KCNAB1: variants seen among roughly 807,000 people sequenced by gnomAD.
The protein encoded by KCNAB1 is potassium voltage-gated channel subfamily A regulatory beta subunit 1.
In KCNAB1, 35 loss-of-function variants were observed where a neutral mutation model predicts 64.6. That is an observed-to-expected ratio of 0.54 (90% CI 0.41 to 0.72). The LOEUF (loss-of-function observed/expected upper bound fraction) is 0.72. KCNAB1 is among the 30% of genes least tolerant of loss of function. The pLI is 0.00. For synonymous variants in KCNAB1, 177 were observed against 183.8 expected, an observed-to-expected ratio of 0.96 and a Z score of 0.30; for missense variants, 401 against 512.9, an observed-to-expected ratio of 0.78 and a Z score of 2.11.
intron 1 of KCNAB1, among the ~76,000 whole-genome samples, chr3:156,388,995 G>GT (rs1712822476): frequency 6.6e-6 from 1 of 152,206 alleles, no homozygotes; most frequent in Admixed American, 6.5e-5. Context: ...AGGTGTTTTG[G>GT]TAAGTTCCCT....
At chr3:156,476,626 C>A (rs1196063385) in intron 8 of KCNAB1, among the ~76,000 whole-genome samples, 1 of 151,908 alleles carries the variant, frequency 6.6e-6, no homozygotes, top group Admixed American at 6.6e-5. Flanking sequence ...TCTTTATCCA[C>A]TCGTTGATTG....
intron 1 of KCNAB1, among the ~76,000 whole-genome samples, chr3:156,239,585 G>A (rs770138810): frequency 1.3e-5 from 2 of 152,142 alleles, no homozygotes; most frequent in Non-Finnish European, 2.9e-5. Flanking sequence ...GGCTTTCAGC[G>A]CTGGGGCCTC....
intron 2 of KCNAB1, among the ~76,000 whole-genome samples, chr3:156,449,120 A>G (rs1293559939): frequency 2.6e-5 from 4 of 152,224 alleles, no homozygotes; most frequent in African/African-American, 9.6e-5. Context: ...TATTCTTATT[A>G]AATTATGGAA....
chr3:156,124,463 C>T (rs148895184), intron 1 of KCNAB1, among the ~76,000 whole-genome samples: 3,486 of 152,064 alleles, frequency 0.023, 102 homozygotes, highest in East Asian at 0.092. Flanking sequence ...GTGATCCGCC[C>T]GCCTTAGCCT....
At chr3:156,350,514 A>G (rs934856742) in intron 1 of KCNAB1, among the ~76,000 whole-genome samples, 17 of 152,266 alleles carry the variant, frequency 1.1e-4, no homozygotes, top group African/African-American at 4.1e-4. Flanking sequence ...CTCAAAAAAA[A>G]AAAAAAAAAG....
intron 1 of KCNAB1, among the ~76,000 whole-genome samples, chr3:156,393,819 T>C (rs1257327232): frequency 6.6e-6 from 1 of 152,254 alleles, no homozygotes; most frequent in Non-Finnish European, 1.5e-5. Flanking sequence ...ATTAATCTAT[T>C]CATCTGCACA....
intron 1 of KCNAB1, among the ~76,000 whole-genome samples, chr3:156,314,646 G>A (rs1041382507): frequency 6.6e-6 from 1 of 152,222 alleles, no homozygotes; most frequent in Non-Finnish European, 1.5e-5. Context: ...TTAAAAGCTG[G>A]TCATAAGTTA....
At chr3:156,445,566 C>T (rs1444770150) in intron 2 of KCNAB1, among the ~76,000 whole-genome samples, 1 of 152,186 alleles carries the variant, frequency 6.6e-6, no homozygotes, top group Non-Finnish European at 1.5e-5. Context: ...AGGAAAACAA[C>T]CAACGTTCCA....
chr3:156,518,984 C>G (rs974425752), intron 11 of KCNAB1, among the ~76,000 whole-genome samples: 31 of 152,164 alleles, frequency 2.0e-4, no homozygotes, highest in African/African-American at 7.2e-4. Context: ...CAGTCAGAAG[C>G]CAAAGCATTA....
chr3:156,193,331 C>T (rs1304203542), intron 1 of KCNAB1, among the ~76,000 whole-genome samples: 2 of 152,050 alleles, frequency 1.3e-5, no homozygotes, highest in Non-Finnish European at 2.9e-5. Flanking sequence ...TTTCAGCATA[C>T]AGTATTTAAT....
chr3:156,514,278 TC>T (rs1717412378), intron 8 of KCNAB1, 85 bp from the exon 9 acceptor site: 1 of 974,076 alleles, frequency 1.0e-6, no homozygotes. Flanking sequence ...GCATTAAGCT[TC>T]TAAGCTTTGG....
At position 156,536,832 on chromosome 3, in the gene KCNAB1, A is replaced by C; in HGVS notation, c.*85A>C. 1.1e-6 allele frequency: 1 copy of C among 926,762 alleles called. No individual in the cohort carries two copies. Among genetic ancestry groups the C allele is most frequent in the Non-Finnish European group, 1.8e-6 (1 of 566,986 alleles). 57.4% of individuals were successfully genotyped at this position (926,762 alleles called of 1,614,324 possible). A position where few individuals can be genotyped will look rare whatever the true frequency, so the allele number is the denominator to read the frequency against. ...AAGGTGTTACTAACCAGTCTTTTGA[A>C]TCACTTAGCAGCTTGCTGCTCAACC... On this transcript the variant is annotated 3_prime_UTR_variant, in exon 14 of 14. Coordinates refer to ENST00000490337, the MANE Select transcript of KCNAB1 (RefSeq NM_172160.3).
intron 1 of KCNAB1, among the ~76,000 whole-genome samples, chr3:156,271,961 A>G (rs1719063693): frequency 6.6e-6 from 1 of 152,230 alleles, no homozygotes. Context: ...AGACTTGTAG[A>G]AGTACTGCCT....
At chr3:156,211,605 G>C (rs7648151) in intron 1 of KCNAB1, among the ~76,000 whole-genome samples, 1 of 152,146 alleles carries the variant, frequency 6.6e-6, no homozygotes, top group Non-Finnish European at 1.5e-5. Flanking sequence ...TCAAAGGGCA[G>C]TTTGTTCCTT....
intron 1 of KCNAB1, among the ~76,000 whole-genome samples, chr3:156,316,770 G>A (rs1296677530): frequency 6.6e-6 from 1 of 152,130 alleles, no homozygotes; most frequent in African/African-American, 2.4e-5. Context: ...GCTCAAGTTG[G>A]GAGAAGAAAT....
intron 6 of KCNAB1, among the ~76,000 whole-genome samples, chr3:156,465,250 A>G (rs1372709423): frequency 6.6e-6 from 1 of 152,244 alleles, no homozygotes; most frequent in Non-Finnish European, 1.5e-5. Context: ...AAAAGCTAAC[A>G]AAAAAGTTCA....
At chr3:156,246,086 GTAAA>G (rs1396532141) in intron 1 of KCNAB1, among the ~76,000 whole-genome samples, 1 of 152,156 alleles carries the variant, frequency 6.6e-6, no homozygotes, top group African/African-American at 2.4e-5. Flanking sequence ...AACAGCATGC[GTAAA>G]TAGAGAGGCG....
At chr3:156,483,424 C>G (rs959324204) in intron 8 of KCNAB1, among the ~76,000 whole-genome samples, 2 of 151,988 alleles carry the variant, frequency 1.3e-5, no homozygotes, top group Non-Finnish European at 2.9e-5. Flanking sequence ...TGTTTGATGT[C>G]GTATGCATAT....
intron 1 of KCNAB1, among the ~76,000 whole-genome samples, chr3:156,237,193 C>A (rs75862213): frequency 0.016 from 2,424 of 152,234 alleles, 66 homozygotes; most frequent in African/African-American, 0.056. Context: ...AAATAATGTA[C>A]TTTCATAGAT....
Sources: allele counts gnomAD v4.1 joint callset (sites outside exome capture counted in the v4.1 genomes callset), GRCh38; gene constraint gnomAD v4.1.1; transcripts MANE v1.5; gene names NCBI Gene and HGNC (gene_info 2026-07-23, HGNC 2026-07-21).